The following DLC1 variants were observed in gnomAD, a reference collection of about 807,000 sequenced individuals.
DLC1 encodes the protein rho GTPase-activating protein 7.
A neutral mutation model predicts 140.3 loss-of-function variants in DLC1; 54 were observed. That is an observed-to-expected ratio of 0.38 (90% CI 0.31 to 0.48). The LOEUF is 0.48. Among genes scored for constraint, DLC1 ranks in the 20% least tolerant of loss-of-function variants. DLC1 has a pLI of 0.96. For synonymous variants in DLC1, 986 were observed against 728.1 expected, an observed-to-expected ratio of 1.35 and a Z score of -5.70; for missense variants, 2,536 against 1,907.0, an observed-to-expected ratio of 1.33 and a Z score of -6.14.
At chr8:13,149,862 A>C (rs1020247) in intron 5 of DLC1, among the ~76,000 whole-genome samples, 22,613 of 152,276 alleles carry the variant, frequency 0.15, 1,797 homozygotes, top group Non-Finnish European at 0.17. Context: ...TCTTGTTTGC[A>C]CTGGGTTGGG....
chr8:13,545,674 A>G (rs1803628095), intron 1 of DLC1, among the ~76,000 whole-genome samples: 1 of 152,136 alleles, frequency 6.6e-6, no homozygotes, highest in Non-Finnish European at 1.5e-5. Context: ...ATGACAAAGT[A>G]TTGAATTTGG....
At chr8:13,435,855 A>G (rs1839098446) in intron 2 of DLC1, among the ~76,000 whole-genome samples, 1 of 152,210 alleles carries the variant, frequency 6.6e-6, no homozygotes, top group Non-Finnish European at 1.5e-5. Context: ...GAGTCTATCA[A>G]TGCAGCAAAC....
intron 2 of DLC1, among the ~76,000 whole-genome samples, chr8:13,454,745 C>T (rs530897826): frequency 1.4e-3 from 207 of 152,112 alleles, no homozygotes; most frequent in African/African-American, 4.8e-3. Context: ...GTAGAGACAG[C>T]GTCTCCTTAT....
intron 5 of DLC1, among the ~76,000 whole-genome samples, chr8:13,192,738 C>G (rs1474186856): frequency 6.6e-6 from 1 of 152,102 alleles, no homozygotes; most frequent in South Asian, 2.1e-4. Context: ...GGATCCTGAT[C>G]CAATAGGACT....
intron 2 of DLC1, among the ~76,000 whole-genome samples, chr8:13,459,909 C>T (rs932297941): frequency 2.6e-5 from 4 of 152,130 alleles, no homozygotes; most frequent in African/African-American, 4.8e-5. Context: ...GGTGACACGC[C>T]CTCATCTCGC....
intron 2 of DLC1, among the ~76,000 whole-genome samples, chr8:13,413,256 A>ACTTTTTTTTTTTTTTTTT (rs1491415150): frequency 1.1e-4 from 9 of 82,004 alleles, no homozygotes; most frequent in Non-Finnish European, 1.4e-4. Context: ...TTTTTTTGCG[A>ACTTTTTTTTTTTTTTTTT]TTTTTTTTTT....
At chr8:13,205,867 A>G (rs892383409) in intron 5 of DLC1, among the ~76,000 whole-genome samples, 1 of 152,220 alleles carries the variant, frequency 6.6e-6, no homozygotes, top group Non-Finnish European at 1.5e-5. Flanking sequence ...GCAAGAGACC[A>G]TTGACATTTC....
intron 5 of DLC1, among the ~76,000 whole-genome samples, chr8:13,246,678 A>C (rs929487602): frequency 4.6e-5 from 7 of 151,726 alleles, no homozygotes; most frequent in African/African-American, 1.7e-4. Flanking sequence ...TTTCTACGCG[A>C]CCACATTCCA....
At chr8:13,487,926 T>C (rs1009917181) in intron 2 of DLC1, among the ~76,000 whole-genome samples, 2 of 152,248 alleles carry the variant, frequency 1.3e-5, no homozygotes, top group South Asian at 4.1e-4. Context: ...TTACATTTTA[T>C]CAGATATTTA....
At chr8:13,544,111 A>C (rs772028034) in intron 1 of DLC1, among the ~76,000 whole-genome samples, 2 of 152,116 alleles carry the variant, frequency 1.3e-5, no homozygotes, top group Non-Finnish European at 2.9e-5. Context: ...ATTGCATCCC[A>C]TGTATAATAT....
chr8:13,203,770 GT>G (rs971016702), intron 5 of DLC1, among the ~76,000 whole-genome samples: 208 of 152,200 alleles, frequency 1.4e-3, no homozygotes, highest in African/African-American at 4.7e-3. Flanking sequence ...TATGATTCTT[GT>G]CTTTTACTTG....
intron 2 of DLC1, among the ~76,000 whole-genome samples, chr8:13,416,713 C>G (rs189856842): frequency 1.3e-5 from 2 of 152,204 alleles, no homozygotes; most frequent in African/African-American, 4.8e-5. Flanking sequence ...TTTGTATATT[C>G]TAGTATAGTG....
At chr8:13,213,224 G>A (rs903953047) in intron 5 of DLC1, among the ~76,000 whole-genome samples, 1 of 152,166 alleles carries the variant, frequency 6.6e-6, no homozygotes, top group African/African-American at 2.4e-5. Flanking sequence ...TGTAGCTCAG[G>A]AAAGCAAAAT....
rs183074205 is a variant in DLC1 at position 13,574,322 on chromosome 8, T to C, written c.-126+30215A>G. Among the ~76,000 whole-genome samples the C allele has an allele frequency of 4.2e-3, 645 of 152,330 alleles. 2 individuals carry two copies. The highest frequency in any genetic ancestry group is 9.0e-3 in the Admixed American group (138 of 15,300). On this transcript the variant is annotated intron_variant, in intron 1 of 1. Coordinates refer to the DLC1 transcript ENST00000631382. ...GTTTCAAGTAGAAAGTTATCTATTA[T>C]TAATTTTAGACATATTTGATGACTA...
intron 2 of DLC1, among the ~76,000 whole-genome samples, chr8:13,412,120 A>T (rs1172794557): frequency 5.3e-5 from 8 of 152,220 alleles, no homozygotes; most frequent in African/African-American, 1.9e-4. Context: ...AGCAGTTATA[A>T]AAAGACAACC....
In DLC1 at chr8:13,100,036, C is replaced by T. The variant is rs376046492; in HGVS notation, c.2301G>A (p.Ala767=). ...AGTACATGCCCACCCGCTTGTTGCACGCACTGAGGCTCCGGGTCCTCGTAA... is the reference window on the plus strand; with the variant it reads ...AGTACATGCCCACCCGCTTGTTGCATGCACTGAGGCTCCGGGTCCTCGTAA... The part of the protein sequence containing the change: ...SPVTRTRSLS[A]CNKRVGMYLE... The change falls in exon 9 of 18, where the codon GCG becomes GCA. Residue 767 remains alanine, a synonymous_variant. Transcript: ENST00000276297. The T allele has an allele frequency of 1.7e-4, 267 of 1,612,972 alleles. No individual in the cohort carries two copies. Among genetic ancestry groups the T allele is most frequent in the Non-Finnish European group, 2.1e-4 (252 of 1,180,046 alleles).
In DLC1 at chr8:13,102,162, T is replaced by TAATTTGTGACACTTACTCC. The variant is rs1173233252; in HGVS notation, c.1566+609_1566+627dup. ...TGACCAGACTCATTCCTGTTTACTCTAATTTGTGACACTTACTCCCAGTAC... is the reference window on the plus strand; with the variant it reads ...TGACCAGACTCATTCCTGTTTACTCTAATTTGTGACACTTACTCCAATTTGTGACACTTACTCCCAGTAC... On this transcript the variant is annotated intron_variant, in intron 8 of 17. Transcript: ENST00000276297. 1.4e-4 allele frequency among the ~76,000 whole-genome samples: 21 copies of TAATTTGTGACACTTACTCC among 152,320 alleles called. 1 individual carries two copies. The South Asian group carries it at 1.5e-3, about 11-fold the overall frequency.
At chr8:13,246,166 TTA>T (rs1484741799) in intron 5 of DLC1, among the ~76,000 whole-genome samples, 1 of 152,132 alleles carries the variant, frequency 6.6e-6, no homozygotes, top group East Asian at 1.9e-4. Flanking sequence ...GAGAAGAGTT[TTA>T]GAGGCTGTTT....
intron 16 of DLC1, among the ~76,000 whole-genome samples, chr8:13,086,971 A>G (rs1817616077): frequency 6.6e-6 from 1 of 152,292 alleles, no homozygotes; most frequent in Admixed American, 6.5e-5. Context: ...CTGTACTCAA[A>G]CTTGGGCAAC....
Sources: allele counts gnomAD v4.1 joint callset (sites outside exome capture counted in the v4.1 genomes callset), GRCh38; gene constraint gnomAD v4.1.1; transcripts MANE v1.5; gene names NCBI Gene and HGNC (gene_info 2026-07-23, HGNC 2026-07-21).